Variants in PACRG observed in about 807,000 individuals in gnomAD.
The protein encoded by PACRG is parkin coregulated gene protein.
A neutral mutation model predicts 29.7 loss-of-function variants in PACRG; 29 were observed. The ratio of observed to expected loss-of-function variants is 0.98; its 90% CI spans 0.73 to 1.33. PACRG has a LOEUF of 1.33. Ranked by LOEUF, PACRG falls within the 40% of genes most tolerant of loss-of-function variation. The probability of loss-of-function intolerance (pLI) is 0.00; values close to 1 mark genes in which losing one functional copy is unlikely to be tolerated. For synonymous variants in PACRG, 116 were observed against 118.7 expected (o/e 0.98, Z 0.15); for missense variants, 279 against 316.2 (o/e 0.88, Z 0.89).
At chr6:163,196,786 G>C (rs762927325) in intron 4 of PACRG, among the ~76,000 whole-genome samples, 1 of 152,060 alleles carries the variant, frequency 6.6e-6, no homozygotes, top group African/African-American at 2.4e-5. Flanking sequence ...CAGACAGACA[G>C]ACAGAAAGAC....
intron 4 of PACRG, among the ~76,000 whole-genome samples, chr6:163,303,529 T>C (rs1785082350): frequency 6.6e-6 from 1 of 152,168 alleles, no homozygotes; most frequent in South Asian, 2.1e-4. Flanking sequence ...TCCAGTAGGT[T>C]TTATCACTCC....
chr6:162,928,978 T>C (rs1490582668), intron 2 of PACRG, among the ~76,000 whole-genome samples: 1 of 152,058 alleles, frequency 6.6e-6, no homozygotes, highest in African/African-American at 2.4e-5. Context: ...TAATACTCCA[T>C]TGTGTATATA....
chr6:163,209,730 T>G (rs1781058697), intron 4 of PACRG, among the ~76,000 whole-genome samples: 1 of 152,232 alleles, frequency 6.6e-6, no homozygotes, highest in African/African-American at 2.4e-5. Flanking sequence ...TAATTTGATG[T>G]AAAGCATGTG....
intron 2 of PACRG, among the ~76,000 whole-genome samples, chr6:163,040,303 T>C (rs187159933): frequency 1.8e-4 from 27 of 152,330 alleles, no homozygotes; most frequent in African/African-American, 5.3e-4. Context: ...TCAGAGGCTG[T>C]ATGGAAACAT....
chr6:162,882,555 T>C (rs796499259), intron 2 of PACRG, among the ~76,000 whole-genome samples: 19 of 152,256 alleles, frequency 1.2e-4, no homozygotes, highest in African/African-American at 4.1e-4. Flanking sequence ...AGGAAGAGTG[T>C]GTAGACCTCA....
Position 162,825,714 on chromosome 6 carries a change from C to T in PACRG, c.291+11433C>T, listed in dbSNP as rs185487676. ...TCCTGGGGTGTGACTTGGAATCTGC[C>T]TTCTGTGGGAGGCCCTCGCGGCCTG... On this transcript the variant is annotated intron_variant, in intron 2 of 4. Transcript: ENST00000366888. 6.6e-5 allele frequency among the ~76,000 whole-genome samples: 10 copies of T among 152,186 alleles called. No homozygotes were observed. The East Asian group carries it at 1.7e-3, about 26-fold the overall frequency.
chr6:163,111,873 G>A (rs998381543), intron 4 of PACRG, among the ~76,000 whole-genome samples: 1 of 152,266 alleles, frequency 6.6e-6, no homozygotes, highest in East Asian at 1.9e-4. Context: ...CACATATTGT[G>A]TAAATCTAAT....
At chr6:163,248,113 T>G (rs985380488) in intron 4 of PACRG, among the ~76,000 whole-genome samples, 1 of 152,172 alleles carries the variant, frequency 6.6e-6, no homozygotes, top group African/African-American at 2.4e-5. Context: ...GTCATCAATA[T>G]TTTGCAAAGG....
intron 4 of PACRG, among the ~76,000 whole-genome samples, chr6:163,240,313 C>G (rs559694415): frequency 3.9e-5 from 6 of 152,260 alleles, no homozygotes; most frequent in African/African-American, 1.4e-4. Context: ...AATATGAAAG[C>G]TGTGACGGGG....
chr6:163,156,015 C>CCG (rs1299694842), intron 4 of PACRG, among the ~76,000 whole-genome samples: 1 of 152,242 alleles, frequency 6.6e-6, no homozygotes, highest in Non-Finnish European at 1.5e-5. Context: ...CCCTGAGCCC[C>CCG]GAGACAGGCC....
At chr6:162,979,223 T>A (rs73607898) in intron 2 of PACRG, among the ~76,000 whole-genome samples, 8,935 of 152,172 alleles carry the variant, frequency 0.059, 657 homozygotes, top group African/African-American at 0.17. Context: ...ACTCCCTTCC[T>A]CCTGGGGTGA....
At chr6:162,819,355 CTTA>C (rs1562629695) in intron 2 of PACRG, among the ~76,000 whole-genome samples, 2 of 152,110 alleles carry the variant, frequency 1.3e-5, no homozygotes, top group African/African-American at 4.8e-5. Flanking sequence ...TAAAAAATGA[CTTA>C]TTAATCAGGT....
chr6:163,269,531 A>G (rs1036244955), intron 4 of PACRG, among the ~76,000 whole-genome samples: 1 of 151,866 alleles, frequency 6.6e-6, no homozygotes, highest in African/African-American at 2.4e-5. Context: ...GCTACCTCCT[A>G]CCTTTCCAGT....
At chr6:163,169,124 A>G (rs1778950594) in intron 4 of PACRG, among the ~76,000 whole-genome samples, 1 of 152,246 alleles carries the variant, frequency 6.6e-6, no homozygotes, top group Admixed American at 6.5e-5. Context: ...AAATATCATG[A>G]AAAGCTCAAG....
intron 2 of PACRG, among the ~76,000 whole-genome samples, chr6:163,017,670 T>TGA (rs1015034030): frequency 2.6e-5 from 4 of 151,840 alleles, no homozygotes; most frequent in African/African-American, 7.3e-5. Flanking sequence ...TAATCTTGAT[T>TGA]GAGAGAGAGA....
intron 2 of PACRG, among the ~76,000 whole-genome samples, chr6:163,004,343 G>A (rs1006469416): frequency 2.9e-4 from 44 of 151,774 alleles, no homozygotes; most frequent in African/African-American, 9.9e-4. Context: ...CTGAGACTGG[G>A]TAATTTATAA....
At chr6:163,150,096 G>C (rs1778016545) in intron 4 of PACRG, among the ~76,000 whole-genome samples, 1 of 152,188 alleles carries the variant, frequency 6.6e-6, no homozygotes, top group Non-Finnish European at 1.5e-5. Flanking sequence ...CCGCAAACCG[G>C]CGATGTTCTT....
At chr6:162,791,303 G>GTTT (rs1272846363) in intron 1 of PACRG, among the ~76,000 whole-genome samples, 3 of 85,112 alleles carry the variant, frequency 3.5e-5, no homozygotes, top group African/African-American at 1.1e-4. Context: ...CTCCTAGTTT[G>GTTT]TTTGTTTGTT....
At chr6:162,916,572 A>G (rs1029609765) in intron 2 of PACRG, among the ~76,000 whole-genome samples, 10 of 151,816 alleles carry the variant, frequency 6.6e-5, no homozygotes, top group African/African-American at 2.4e-4. Flanking sequence ...TTCCTTAACC[A>G]TCTTTCTTAT....
Sources: allele counts gnomAD v4.1 joint callset (sites outside exome capture counted in the v4.1 genomes callset), GRCh38; gene constraint gnomAD v4.1.1; transcripts MANE v1.5; gene names NCBI Gene and HGNC (gene_info 2026-07-23, HGNC 2026-07-21).